Variants in ADCY8 observed in about 807,000 individuals in gnomAD.
ADCY8 encodes the protein adenylate cyclase 8, also known as adenylate cyclase type 8.
ADCY8 carries 51 observed loss-of-function variants against 119.7 expected under a neutral mutation model. The observed-to-expected ratio is 0.43, with a 90% confidence interval of 0.34 to 0.54. The LOEUF (loss-of-function observed/expected upper bound fraction) is 0.54. Among genes scored for constraint, ADCY8 ranks in the 20% least tolerant of loss-of-function variants. ADCY8 has a pLI of 0.03. For missense variants in ADCY8, 1,383 were observed against 1,598.8 expected (o/e 0.87, Z 2.30); for synonymous variants, 665 against 651.0 (o/e 1.02, Z -0.33).
chr8:130,834,752 T>C (rs1344345302), intron 12 of ADCY8, among the ~76,000 whole-genome samples: 2 of 152,152 alleles, frequency 1.3e-5, no homozygotes, highest in South Asian at 4.1e-4. Context: ...CACAACAAAA[T>C]AGTAAATATT....
intron 1 of ADCY8, among the ~76,000 whole-genome samples, chr8:130,992,936 C>T (rs1822646878): frequency 6.6e-6 from 1 of 151,936 alleles, no homozygotes; most frequent in Admixed American, 6.6e-5. Context: ...TAACTGTGAA[C>T]AAAACTATTC....
At chr8:130,902,521 A>C (rs1244906492) in intron 7 of ADCY8, among the ~76,000 whole-genome samples, 5 of 152,342 alleles carry the variant, frequency 3.3e-5, no homozygotes, top group African/African-American at 9.6e-5. Flanking sequence ...TCCCAGTGGA[A>C]TCTGGCCCAT....
At chr8:130,989,230 T>C (rs1037604776) in intron 2 of ADCY8, among the ~76,000 whole-genome samples, 1 of 152,196 alleles carries the variant, frequency 6.6e-6, no homozygotes, top group Non-Finnish European at 1.5e-5. Context: ...GAAAACTCAG[T>C]AGTTTCCTCT....
At chr8:130,899,659 A>ATTCATTC (rs1050498393) in intron 7 of ADCY8, among the ~76,000 whole-genome samples, 2 of 152,120 alleles carry the variant, frequency 1.3e-5, no homozygotes, top group African/African-American at 2.4e-5. Context: ...GGAGGACAGG[A>ATTCATTC]TTCATTCATT....
intron 4 of ADCY8, among the ~76,000 whole-genome samples, chr8:130,942,562 A>G (rs1421888791): frequency 1.3e-5 from 2 of 152,194 alleles, no homozygotes; most frequent in Non-Finnish European, 2.9e-5. Flanking sequence ...TGTATTTCCC[A>G]TAGAGTGAGG....
chr8:130,907,030 CTGGA>C (rs986182475), intron 6 of ADCY8, among the ~76,000 whole-genome samples: 5 of 151,976 alleles, frequency 3.3e-5, no homozygotes, highest in Non-Finnish European at 7.4e-5. Flanking sequence ...CTCTACCACC[CTGGA>C]ACTGTATTAT....
At chr8:130,928,502 A>G (rs1446363262) in intron 5 of ADCY8, among the ~76,000 whole-genome samples, 2 of 152,126 alleles carry the variant, frequency 1.3e-5, no homozygotes, top group African/African-American at 2.4e-5. Context: ...ATTTTTTCAA[A>G]TGCTTTTTCT....
At chr8:130,849,449 A>T (rs752194982) in intron 10 of ADCY8, among the ~76,000 whole-genome samples, 153 bp downstream of exon 10, 1 of 152,196 alleles carries the variant, frequency 6.6e-6, no homozygotes, top group African/African-American at 2.4e-5. Flanking sequence ...CAGTAGCCAC[A>T]TCTTTGTTAT....
intron 13 of ADCY8, among the ~76,000 whole-genome samples, chr8:130,820,366 G>A (rs1436819040): frequency 6.6e-6 from 1 of 152,086 alleles, no homozygotes; most frequent in Admixed American, 6.5e-5. Context: ...TCCTTGCTGT[G>A]CTTTCCTCCT....
chr8:130,817,494 T>C (rs1816383856), intron 13 of ADCY8, among the ~76,000 whole-genome samples: 1 of 152,218 alleles, frequency 6.6e-6, no homozygotes, highest in Admixed American at 6.5e-5. Context: ...AGTAAATGAC[T>C]TTATTGGAAG....
At chr8:130,828,870 TTTAGCA>T in intron 12 of ADCY8, among the ~76,000 whole-genome samples, 1 of 152,312 alleles carries the variant, frequency 6.6e-6, no homozygotes, top group African/African-American at 2.4e-5. Context: ...GGGTGAACAC[TTTAGCA>T]CAGGTGATAA....
At chr8:130,887,612 T>C (rs1035630528) in intron 7 of ADCY8, among the ~76,000 whole-genome samples, 1 of 152,130 alleles carries the variant, frequency 6.6e-6, no homozygotes, top group Non-Finnish European at 1.5e-5. Flanking sequence ...CCTTACTCCT[T>C]AGGAGTATAT....
chr8:130,912,244 T>C (rs2130557858), intron 5 of ADCY8, among the ~76,000 whole-genome samples: 1 of 152,304 alleles, frequency 6.6e-6, no homozygotes, highest in South Asian at 2.1e-4. Flanking sequence ...TGTAAACTAA[T>C]TGAGAATGGG....
chr8:130,930,489 G>A (rs1275269125), intron 5 of ADCY8, among the ~76,000 whole-genome samples: 8 of 152,090 alleles, frequency 5.3e-5, no homozygotes, highest in Non-Finnish European at 1.2e-4. Context: ...CTGACCTCAC[G>A]ATCCACCCAC....
chr8:130,827,864 C>A (rs559979150), intron 12 of ADCY8, among the ~76,000 whole-genome samples: 1 of 152,296 alleles, frequency 6.6e-6, no homozygotes, highest in African/African-American at 2.4e-5. Context: ...AAATCAATAA[C>A]AGGCATCTGT....
At chr8:130,908,317 C>T (rs902656473) in intron 6 of ADCY8, among the ~76,000 whole-genome samples, 2 of 152,300 alleles carry the variant, frequency 1.3e-5, no homozygotes, top group Non-Finnish European at 2.9e-5. Context: ...AATTGGCTAA[C>T]TTGTTTGTCT....
chr8:130,945,417 A>G (rs899670746), intron 3 of ADCY8, among the ~76,000 whole-genome samples: 1 of 152,234 alleles, frequency 6.6e-6, no homozygotes, highest in African/African-American at 2.4e-5. Context: ...GGTCATATGC[A>G]CAGAATTTGA....
At chr8:130,937,844 A>G (rs1410733680) in intron 4 of ADCY8, among the ~76,000 whole-genome samples, 1 of 152,206 alleles carries the variant, frequency 6.6e-6, no homozygotes, top group Non-Finnish European at 1.5e-5. Context: ...AATAGCTCCT[A>G]TTATGCACTA....
chr8:130,861,252 T>A (rs1165859009), intron 9 of ADCY8, among the ~76,000 whole-genome samples: 2 of 152,216 alleles, frequency 1.3e-5, no homozygotes, highest in East Asian at 3.8e-4. Context: ...TGCTGAAGTT[T>A]TGATTGACAA....
Sources: gnomAD v4.1 joint callset for allele counts (sites outside exome capture counted in the v4.1 genomes callset) on GRCh38, gnomAD v4.1.1 for gene constraint, MANE v1.5 for transcripts, NCBI Gene and HGNC (gene_info 2026-07-23, HGNC 2026-07-21) for gene names.